RPTOR: variants seen among roughly 807,000 people sequenced by gnomAD.
RPTOR encodes the protein regulatory associated protein of MTOR complex 1, also known as regulatory-associated protein of mTOR.
RPTOR carries 21 observed loss-of-function variants against 169.9 expected under a neutral mutation model. The ratio of observed to expected loss-of-function variants is 0.12; its 90% CI spans 0.09 to 0.18. The LOEUF is 0.18. RPTOR is among the 10% of genes least tolerant of loss of function. The probability of loss-of-function intolerance (pLI) is 1.00; values close to 1 mark genes in which losing one functional copy is unlikely to be tolerated. For missense variants in RPTOR, 1,133 were observed against 1,855.9 expected (o/e 0.61, Z 7.16); for synonymous variants, 732 against 753.2 (o/e 0.97, Z 0.46).
chr17:80,639,357 T>G (rs1212499257), intron 2 of RPTOR, among the ~76,000 whole-genome samples: 5 of 151,900 alleles, frequency 3.3e-5, no homozygotes, highest in Non-Finnish European at 5.9e-5. Flanking sequence ...CAGTGAGTGC[T>G]GGATGGGGCT....
intron 1 of RPTOR, among the ~76,000 whole-genome samples, chr17:80,603,521 G>T (rs1439401453): frequency 1.3e-5 from 2 of 152,180 alleles, no homozygotes; most frequent in African/African-American, 2.4e-5. Flanking sequence ...TGTGGTGCTG[G>T]GTGGAGTCCC....
At chr17:80,808,528 T>C (rs994456220) in intron 7 of RPTOR, among the ~76,000 whole-genome samples, 10 of 152,226 alleles carry the variant, frequency 6.6e-5, no homozygotes, top group African/African-American at 2.4e-4. Flanking sequence ...GTTTTCACGT[T>C]TTCAAATCAG....
chr17:80,595,127 T>C (rs866959379), intron 1 of RPTOR, among the ~76,000 whole-genome samples: 9 of 152,238 alleles, frequency 5.9e-5, no homozygotes, highest in Middle Eastern at 3.4e-3. Flanking sequence ...TATGAATTCA[T>C]TGGTAACCCT....
rs371200426 is a variant in RPTOR at position 80,914,897 on chromosome 17, GGGCT to G, written c.2520+5971_2520+5974del. Among the ~76,000 whole-genome samples, 329 of 152,370 alleles carry G rather than the reference GGGCT, an allele frequency of 2.2e-3. 1 individual carries two copies. Among genetic ancestry groups the G allele is most frequent in the African/African-American group, 7.7e-3 (320 of 41,592 alleles). On this transcript the variant is annotated intron_variant, in intron 21 of 33. Transcript: ENST00000306801. The stretch of plus-strand genomic sequence containing the variant: ...AAGCCAGGGACAGCCTGAAGCCTGG[GGGCT>G]GGGCTGATGGACCAGAATGGGAACT...
intron 20 of RPTOR, 94 bp from the exon 21 acceptor site, chr17:80,908,717 G>C: frequency 1.2e-6 from 1 of 859,684 alleles, no homozygotes; most frequent in South Asian, 1.5e-5. Flanking sequence ...CAACACTTCT[G>C]ATACCAGGGT....
At chr17:80,836,726 G>C (rs2067568375) in intron 9 of RPTOR, among the ~76,000 whole-genome samples, 1 of 152,132 alleles carries the variant, frequency 6.6e-6, no homozygotes, top group African/African-American at 2.4e-5. Flanking sequence ...CGGCAGAGGG[G>C]CCCATTGGGA....
chr17:80,668,505 G>T (rs966821551), intron 3 of RPTOR, among the ~76,000 whole-genome samples: 4 of 152,128 alleles, frequency 2.6e-5, no homozygotes, highest in African/African-American at 4.8e-5. Context: ...ATTCTTCCAG[G>T]CTTCTGGAGA....
intron 4 of RPTOR, among the ~76,000 whole-genome samples, chr17:80,727,487 C>T (rs1470951046): frequency 1.3e-5 from 2 of 151,738 alleles, no homozygotes; most frequent in Non-Finnish European, 2.9e-5. Context: ...GACGCTGCAC[C>T]TCTGACCACA....
intron 25 of RPTOR, among the ~76,000 whole-genome samples, chr17:80,945,214 G>T (rs1003632622): frequency 6.6e-6 from 1 of 152,050 alleles, no homozygotes. Flanking sequence ...AGGATCACTT[G>T]AGCAGGAGGT....
intron 2 of RPTOR, among the ~76,000 whole-genome samples, chr17:80,634,392 CGTGTGCATACCGTGTGT>C (rs1269265037): frequency 0.062 from 2,171 of 35,060 alleles, 82 homozygotes; most frequent in Middle Eastern, 0.091. Context: ...ATACTGTGTG[CGTGTGCATACCGTGTGT>C]GTGTGCATAC....
At chr17:80,843,430 T>A (rs72856038) in intron 10 of RPTOR, among the ~76,000 whole-genome samples, 28 of 2,552 alleles carry the variant, frequency 0.011, no homozygotes, top group South Asian at 0.086. Context: ...CAAAAAAAAA[T>A]TTTTTTTTTT....
chr17:80,761,234 G>A (rs954237301), intron 6 of RPTOR, among the ~76,000 whole-genome samples: 1 of 152,160 alleles, frequency 6.6e-6, no homozygotes, highest in African/African-American at 2.4e-5. Flanking sequence ...AACCCAGTGG[G>A]ACTTCATTTG....
At position 80,937,205 on chromosome 17, in the gene RPTOR, T is replaced by C. The variant is rs2068965488; in HGVS notation, c.2920-3291T>C. 2.0e-5 allele frequency among the ~76,000 whole-genome samples: 3 copies of C among 152,290 alleles called. No homozygotes were observed. The South Asian group carries it at 6.2e-4, about 32-fold the overall frequency. On this transcript the variant is annotated intron_variant, in intron 24 of 33. Transcript: ENST00000306801. The stretch of plus-strand genomic sequence containing the variant: ...GTGTGAGCGTTTAATGTGTTAGCGA[T>C]CTTTTCCCATGGGTGCCTCTCCCCT...
intron 21 of RPTOR, among the ~76,000 whole-genome samples, chr17:80,915,878 G>A (rs9914547): frequency 0.15 from 21,246 of 139,758 alleles, 778 homozygotes; most frequent in Admixed American, 0.17. Context: ...AGCAGACGTC[G>A]GGAAAACCAG....
intron 2 of RPTOR, among the ~76,000 whole-genome samples, chr17:80,632,072 C>T (rs959466006): frequency 6.6e-6 from 1 of 152,174 alleles, no homozygotes; most frequent in South Asian, 2.1e-4. Flanking sequence ...CCCTTCCAGG[C>T]TGCTTGTCCC....
chr17:80,657,109 T>C (rs922326336), intron 3 of RPTOR, among the ~76,000 whole-genome samples: 3 of 152,262 alleles, frequency 2.0e-5, no homozygotes, highest in African/African-American at 7.2e-5. Flanking sequence ...ATATTTCTAT[T>C]CATTCAGCTG....
chr17:80,557,836 G>C (rs1427291264), intron 1 of RPTOR, among the ~76,000 whole-genome samples: 1 of 151,920 alleles, frequency 6.6e-6, no homozygotes, highest in African/African-American at 2.4e-5. Context: ...TGAGGCAGGA[G>C]AATCACTTGA....
At chr17:80,701,604 C>T (rs984981760) in intron 3 of RPTOR, among the ~76,000 whole-genome samples, 2 of 152,188 alleles carry the variant, frequency 1.3e-5, no homozygotes, top group Non-Finnish European at 2.9e-5. Context: ...GGGGCCAGAA[C>T]TGGCCTGAGT....
rs538318175 is a variant in RPTOR at position 80,730,256 on chromosome 17, T to C, written c.508-304T>C. 6.6e-6 allele frequency among the ~76,000 whole-genome samples: 1 copy of C among 152,156 alleles called. No homozygotes were observed. The highest frequency in any genetic ancestry group is 2.4e-5 in the African/African-American group (1 of 41,498). ...CAAGTAGCTGGGTTTACAGGTGCCC[T>C]TCACCATGTCTGGCTAATTTTGTAT... On this transcript the variant is annotated intron_variant, in intron 4 of 33. Coordinates refer to ENST00000306801, the MANE Select transcript of RPTOR (RefSeq NM_020761.3). The surrounding 1 kb of genome is among the most constrained non-coding windows in gnomAD (Gnocchi z 4.2).
Sources: allele counts gnomAD v4.1 joint callset (sites outside exome capture counted in the v4.1 genomes callset), GRCh38; gene constraint gnomAD v4.1.1; non-coding constraint Gnocchi (gnomAD v3.1); transcripts MANE v1.5; gene names NCBI Gene and HGNC (gene_info 2026-07-23, HGNC 2026-07-21).